Variants in RAD51B observed in about 807,000 individuals in gnomAD.
The protein encoded by RAD51B is RAD51 paralog B.
A neutral mutation model predicts 42.2 loss-of-function variants in RAD51B; 38 were observed. The observed-to-expected ratio is 0.90, with a 90% CI of 0.70 to 1.18. RAD51B has a LOEUF of 1.18. RAD51B is among the 50% of genes most tolerant of loss of function. RAD51B has a pLI of 0.00. For missense variants in RAD51B, 373 were observed against 400.7 expected, an observed-to-expected ratio of 0.93 and a Z score of 0.59; for synonymous variants, 154 against 145.2, an observed-to-expected ratio of 1.06 and a Z score of -0.43.
At chr14:68,479,395 C>A (rs1882982331), downstream of RAD51B, among the ~76,000 whole-genome samples, 1 of 152,158 alleles carries the variant, frequency 6.6e-6, no homozygotes, top group East Asian at 1.9e-4. Flanking sequence ...CTTCCCCTCA[C>A]CCCTCCTCTC....
chr14:68,384,743 AT>A (rs1232029918), intron 8 of RAD51B, among the ~76,000 whole-genome samples: 2 of 152,206 alleles, frequency 1.3e-5, no homozygotes, highest in Non-Finnish European at 2.9e-5. Flanking sequence ...AGCTGTCTAC[AT>A]TTTAAGCAAT....
At chr14:67,853,997 G>T (rs1270291178) in intron 4 of RAD51B, among the ~76,000 whole-genome samples, 1 of 152,186 alleles carries the variant, frequency 6.6e-6, no homozygotes, top group Non-Finnish European at 1.5e-5. Flanking sequence ...CATTCCCTGA[G>T]AACAGCAAAC....
At chr14:68,588,222 C>T (rs1252659393) in intron 10 of RAD51B, among the ~76,000 whole-genome samples, 1 of 152,150 alleles carries the variant, frequency 6.6e-6, no homozygotes, top group Non-Finnish European at 1.5e-5. Flanking sequence ...CCCTTTACAG[C>T]AGAGATGATG....
chr14:67,956,082 T>C (rs1226383295), intron 7 of RAD51B, among the ~76,000 whole-genome samples: 1 of 152,238 alleles, frequency 6.6e-6, no homozygotes, highest in Non-Finnish European at 1.5e-5. Context: ...GTTGTCTGTT[T>C]TTTAGTTTTC....
intron 3 of RAD51B, among the ~76,000 whole-genome samples, chr14:67,829,957 G>T (rs1205688022): frequency 6.6e-6 from 1 of 152,162 alleles, no homozygotes; most frequent in Non-Finnish European, 1.5e-5. Flanking sequence ...CAATACTTTA[G>T]CTAAAACATG....
At chr14:68,294,068 A>G (rs1400365197) in intron 8 of RAD51B, among the ~76,000 whole-genome samples, 1 of 152,226 alleles carries the variant, frequency 6.6e-6, no homozygotes, top group East Asian at 1.9e-4. Flanking sequence ...GGAGACCAGA[A>G]TAGAGTAAAC....
intron 9 of RAD51B, among the ~76,000 whole-genome samples, chr14:68,436,792 T>C (rs1009962780): frequency 1.3e-5 from 2 of 152,162 alleles, no homozygotes; most frequent in African/African-American, 4.8e-5. Flanking sequence ...GTAAATGGGA[T>C]TGTGTTCTTG....
At chr14:68,483,448 C>T (rs1280865535) in intron 10 of RAD51B, among the ~76,000 whole-genome samples, 1 of 152,244 alleles carries the variant, frequency 6.6e-6, no homozygotes, top group Non-Finnish European at 1.5e-5. Flanking sequence ...GGGTACTTTT[C>T]CCCTAGAGCT....
intron 4 of RAD51B, among the ~76,000 whole-genome samples, chr14:67,841,546 G>C (rs1594982912): frequency 6.6e-6 from 1 of 152,108 alleles, no homozygotes; most frequent in African/African-American, 2.4e-5. Flanking sequence ...ATTTTTATGG[G>C]TTGGGTCTTA....
chr14:68,636,316 C>T (rs1892338061), intron 10 of RAD51B, among the ~76,000 whole-genome samples: 1 of 152,172 alleles, frequency 6.6e-6, no homozygotes, highest in African/African-American at 2.4e-5. Context: ...GGCGTGGTGG[C>T]TCACACGTGT....
In RAD51B at chr14:67,864,814, G is replaced by C. The variant is rs931510145; in HGVS notation, c.316-189G>C. 1.4e-5 allele frequency: 13 copies of C among 940,304 alleles called. No individual in the cohort carries two copies. In the African/African-American group the frequency reaches 2.0e-4, roughly 14 times the overall value. The allele number at this position is 940,304 out of a possible 1,614,324, so 58.2% of individuals were successfully genotyped here. On this transcript the variant is annotated intron_variant, in intron 4 of 10. Coordinates refer to ENST00000471583, the MANE Select transcript of RAD51B (RefSeq NM_133510.4). ...ATGGTACATAACTAGTGCCAATTCA[G>C]ATGCAGAGGGGAGAAGTTAATTCAT...
At chr14:68,526,262 A>G (rs1296071381) in intron 10 of RAD51B, among the ~76,000 whole-genome samples, 2 of 152,266 alleles carry the variant, frequency 1.3e-5, no homozygotes, top group African/African-American at 4.8e-5. Flanking sequence ...GCTTTGCCAC[A>G]TATAGTCATG....
chr14:68,364,643 A>C (rs929808950), intron 8 of RAD51B, among the ~76,000 whole-genome samples: 1 of 152,100 alleles, frequency 6.6e-6, no homozygotes, highest in African/African-American at 2.4e-5. Flanking sequence ...GGGGACAATG[A>C]TCTCTCACAG....
chr14:68,170,163 C>G (rs2078841444), intron 7 of RAD51B, among the ~76,000 whole-genome samples: 1 of 152,156 alleles, frequency 6.6e-6, no homozygotes, highest in African/African-American at 2.4e-5. Flanking sequence ...GGAACCTACT[C>G]TACTTGAATT....
intron 7 of RAD51B, among the ~76,000 whole-genome samples, chr14:68,276,654 G>A (rs1204686251): frequency 1.3e-5 from 2 of 152,146 alleles, no homozygotes; most frequent in East Asian, 3.9e-4. Flanking sequence ...AGGGGAATTA[G>A]TATGGAACTG....
rs550422543 is a variant in RAD51B at position 68,051,867 on chromosome 14, C to T, written c.756+164663C>T. On this transcript the variant is annotated intron_variant, in intron 7 of 10. Coordinates refer to ENST00000471583, the MANE Select transcript of RAD51B (RefSeq NM_133510.4). ...ATTCTCCCATACGCATATATATCCT[C>T]CCACATATGTGTGTGTGTGTGTGTG... Among the ~76,000 whole-genome samples, 511 of 142,840 alleles carry T rather than the reference C, an allele frequency of 3.6e-3. 6 individuals carry two copies. Among genetic ancestry groups the T allele is most frequent in the African/African-American group, 0.013 (479 of 35,574 alleles). 93.7% of individuals were successfully genotyped at this position (142,840 alleles called of 152,430 possible).
chr14:68,602,222 G>A (rs1891246752), intron 10 of RAD51B, among the ~76,000 whole-genome samples: 1 of 151,804 alleles, frequency 6.6e-6, no homozygotes, highest in Non-Finnish European at 1.5e-5. Context: ...CTTCCTGTCT[G>A]GTCCCCAGAC....
intron 9 of RAD51B, among the ~76,000 whole-genome samples, chr14:68,415,522 A>G (rs1397022592): frequency 1.3e-5 from 2 of 152,324 alleles, no homozygotes; most frequent in East Asian, 3.9e-4. Flanking sequence ...TTCACAGTCT[A>G]CTTGAGGAAA....
At chr14:68,337,873 G>T (rs1458814535) in intron 8 of RAD51B, among the ~76,000 whole-genome samples, 1 of 152,106 alleles carries the variant, frequency 6.6e-6, no homozygotes, top group Admixed American at 6.6e-5. Context: ...CTTGGCTCAG[G>T]CAATCCTCCC....
Sources: gnomAD v4.1 joint callset for allele counts (sites outside exome capture counted in the v4.1 genomes callset) on GRCh38, gnomAD v4.1.1 for gene constraint, MANE v1.5 for transcripts, NCBI Gene and HGNC (gene_info 2026-07-23, HGNC 2026-07-21) for gene names.